The following IL7R variants were observed in gnomAD, a reference collection of about 807,000 sequenced individuals.
The protein encoded by IL7R is interleukin 7 receptor.
A neutral mutation model predicts 47.0 loss-of-function variants in IL7R; 38 were observed. The ratio of observed to expected loss-of-function variants is 0.81; its 90% confidence interval spans 0.62 to 1.06. IL7R has a LOEUF of 1.06. Ranked by LOEUF, IL7R falls within the 50% of genes least tolerant of loss-of-function variation. IL7R has a pLI of 0.00. For missense variants in IL7R, 633 were observed against 534.8 expected, an observed-to-expected ratio of 1.18 and a Z score of -1.81; for synonymous variants, 221 against 199.8, an observed-to-expected ratio of 1.11 and a Z score of -0.89.
rs547289761 is a variant in IL7R, at chr5:35,875,248, G to A, written c.801-264G>A. 5.3e-5 allele frequency among the ~76,000 whole-genome samples: 8 copies of A among 152,276 alleles called. No individual in the cohort carries two copies. The East Asian group carries it at 1.5e-3, about 29-fold the overall frequency. Reference sequence around the variant, plus strand: ...AGCCTTGGTGTTCCTTCCCTCTAGGGCTTTTTCCCAGAGGTATATTATTGT... The same window carrying A: ...AGCCTTGGTGTTCCTTCCCTCTAGGACTTTTTCCCAGAGGTATATTATTGT... On this transcript the variant is annotated intron_variant, in intron 6 of 7. Transcript: ENST00000303115.
chr5:35,871,012 C>T (rs750711583), intron 3 of IL7R, 44 bp from the exon 4 acceptor site: 1 of 1,569,554 alleles, frequency 6.4e-7, no homozygotes, highest in Admixed American at 1.7e-5. Flanking sequence ...TAATTATTTC[C>T]TTGGCTGCCC....
intron 4 of IL7R, among the ~76,000 whole-genome samples, chr5:35,871,747 C>T (rs545526545): frequency 6.6e-6 from 1 of 152,120 alleles, no homozygotes; most frequent in Non-Finnish European, 1.5e-5. Context: ...CTTAGATGCT[C>T]TCTTCATGAT....
intron 3 of IL7R, among the ~76,000 whole-genome samples, chr5:35,867,852 G>A (rs1431879836): frequency 1.3e-5 from 2 of 151,914 alleles, no homozygotes; most frequent in Non-Finnish European, 2.9e-5. Context: ...AGTAAGTTTA[G>A]CTAACTTATC....
chr5:35,860,807 G>C lies in IL7R; in HGVS notation c.83-45G>C, dbSNP rs201337361. On this transcript the variant is annotated intron_variant, in intron 1 of 7. Coordinates refer to ENST00000303115, the MANE Select transcript of IL7R (RefSeq NM_002185.5). ...AGGTCATGCCATATTTCAAAAGGAT[G>C]CATTTATTTGTTTCATTAACAGCTG... The C allele has an allele frequency of 3.8e-6, 6 of 1,594,824 alleles. No homozygotes were observed. In the African/African-American group the frequency reaches 6.7e-5, roughly 18 times the overall value.
Position 35,876,725 on chromosome 5 carries a change from C to T in IL7R, c.*239C>T, listed in dbSNP as rs1345363309. 2 of 513,598 alleles carry T rather than the reference C, an allele frequency of 3.9e-6. No individual in the cohort carries two copies. Among genetic ancestry groups the T allele is most frequent in the African/African-American group, 3.9e-5 (2 of 51,830 alleles). 31.8% of individuals were successfully genotyped at this position (513,598 alleles called of 1,614,324 possible). On this transcript the variant is annotated 3_prime_UTR_variant, in exon 8 of 8. Transcript: ENST00000303115. The stretch of plus-strand genomic sequence containing the variant: ...ATTTGGTCACAAGGTTTAAGGTGAC[C>T]CAATGATTCAGCTATTTAAAAAAAA...
intron 4 of IL7R, among the ~76,000 whole-genome samples, chr5:35,872,603 A>G (rs1392439787): frequency 1.3e-5 from 2 of 152,256 alleles, no homozygotes; most frequent in South Asian, 4.1e-4. Flanking sequence ...GTGAAACTCT[A>G]AACAAATTAG....
rs11567731 is a variant in IL7R, at chr5:35,866,431, G to A, written c.222-875G>A. ...AGCTTCAAAAAATAGGTTGAGAAGG[G>A]TCATTCCTCTTCCAGTTTCTAAAAT... is the stretch of plus-strand genomic sequence containing the variant. On this transcript the variant is annotated intron_variant, in intron 2 of 7. Coordinates refer to ENST00000303115, the MANE Select transcript of IL7R (RefSeq NM_002185.5). 9.1e-4 allele frequency among the ~76,000 whole-genome samples: 138 copies of A among 152,184 alleles called. 1 individual carries two copies. Among genetic ancestry groups the A allele is most frequent in the Admixed American group, 1.1e-3 (17 of 15,280 alleles).
rs193922641 is a variant in IL7R, at chr5:35,867,437, G to A, written c.353G>A (p.Cys118Tyr). ...CVKVGEKSLT[C>Y]KKIDLTTIVK... Reference sequence around the variant, plus strand: ...AAGGTTGGAGAAAAGAGTCTAACCTGCAAAAAAATAGACCTAACCACTATA... The same window carrying A: ...AAGGTTGGAGAAAAGAGTCTAACCTACAAAAAAATAGACCTAACCACTATA... The change falls in exon 3 of 8, where the codon TGC (cysteine) becomes TAC (tyrosine). Residue 118 changes from cysteine to tyrosine, a missense_variant. Transcript: ENST00000303115. 21 of 1,612,720 alleles carry A rather than the reference G, an allele frequency of 1.3e-5. No individual in the cohort carries two copies. The highest frequency in any genetic ancestry group is 1.0e-4 in the Admixed American group (6 of 59,904).
At chr5:35,859,667 A>C (rs1250118364) in intron 1 of IL7R, among the ~76,000 whole-genome samples, 5 of 152,196 alleles carry the variant, frequency 3.3e-5, no homozygotes, top group Non-Finnish European at 5.9e-5. Flanking sequence ...GTCCATTCAC[A>C]GTCAGCTTTA....
chr5:35,867,458 C>G lies in IL7R; in HGVS notation c.374C>G (p.Thr125Ser), dbSNP rs971681884. The G allele has an allele frequency of 1.9e-6, 3 of 1,611,786 alleles. No individual in the cohort carries two copies. In the Admixed American group the frequency reaches 5.0e-5, roughly 27 times the overall value. Residue 125 changes from threonine to serine, a missense_variant, in exon 3 of 8, where the codon ACT (threonine) becomes AGT (serine). Coordinates refer to ENST00000303115, the MANE Select transcript of IL7R (RefSeq NM_002185.5). ...SLTCKKIDLT[T>S]IVKPEAPFDL... ...ACCTGCAAAAAAATAGACCTAACCA[C>G]TATAGGTAAGAAGTTGTATATAAAA...
chr5:35,876,209 C>T lies in IL7R; in HGVS notation c.1103C>T (p.Thr368Ile), dbSNP rs1319470323. The change falls in exon 8 of 8, where the codon ACA becomes ATA. Residue 368 changes from threonine to isoleucine, a missense_variant. Coordinates refer to ENST00000303115, the MANE Select transcript of IL7R (RefSeq NM_002185.5). ...PESFGRDSSL[T>I]CLAGNVSACD... ...AGCTTTGGAAGAGATTCATCCCTCA[C>T]ATGCCTGGCTGGGAATGTCAGTGCA... 4 of 1,614,196 alleles carry T rather than the reference C, an allele frequency of 2.5e-6. No individual in the cohort carries two copies. The highest frequency in any genetic ancestry group is 1.6e-4 in the Middle Eastern group (1 of 6,062).
intron 4 of IL7R, among the ~76,000 whole-genome samples, chr5:35,871,725 T>G (rs140392439): frequency 6.6e-6 from 1 of 152,314 alleles, no homozygotes; most frequent in African/African-American, 2.4e-5. Context: ...CCCTTCATAA[T>G]CAGGAGAGTT....
chr5:35,874,413 A>G (rs766349661), intron 5 of IL7R, 36 bp from the exon 6 acceptor site: 1 of 1,396,948 alleles, frequency 7.2e-7, no homozygotes, highest in South Asian at 1.2e-5. Flanking sequence ...CTGCATGGCT[A>G]CTGAATGCTC....
chr5:35,867,273 G>C, intron 2 of IL7R, 33 bp from the exon 3 acceptor site: 6 of 1,605,072 alleles, frequency 3.7e-6, no homozygotes, highest in Non-Finnish European at 4.3e-6. Context: ...ACTCCTACCT[G>C]AATCAAGACA....
intron 1 of IL7R, among the ~76,000 whole-genome samples, chr5:35,857,288 A>T (rs1759676331): frequency 6.6e-6 from 1 of 151,978 alleles, no homozygotes. Context: ...AATGCATTTC[A>T]CTCCCAAGTG....
intron 2 of IL7R, among the ~76,000 whole-genome samples, chr5:35,862,403 A>G (rs1266409208): frequency 1.3e-5 from 2 of 152,042 alleles, no homozygotes; most frequent in African/African-American, 4.8e-5. Flanking sequence ...ATATTTGACC[A>G]CTTCCTTGCC....
At chr5:35,875,803 G>A in intron 7 of IL7R, 180 bp from the exon 8 acceptor site, 1 of 786,308 alleles carries the variant, frequency 1.3e-6, no homozygotes, top group East Asian at 2.6e-5. Flanking sequence ...CACAGCCAGT[G>A]GTCACTTCAA....
Position 35,877,176 on chromosome 5 carries a change from T to A in IL7R, c.*690T>A, listed in dbSNP as rs1760240585. 4.3e-6 allele frequency: 1 copy of A among 233,242 alleles called. No individual in the cohort carries two copies. The highest frequency in any genetic ancestry group is 1.8e-4 in the South Asian group (1 of 5,530). 14.4% of individuals were successfully genotyped at this position (233,242 alleles called of 1,614,324 possible). On this transcript the variant is annotated 3_prime_UTR_variant, in exon 8 of 8. Coordinates refer to ENST00000303115, the MANE Select transcript of IL7R (RefSeq NM_002185.5). ...TGCCTAGATAATTTATGATCCAAACTGAGTCAGTTTGGAAAGTGAAAGGGA... is the reference window on the plus strand; with the variant it reads ...TGCCTAGATAATTTATGATCCAAACAGAGTCAGTTTGGAAAGTGAAAGGGA...
intron 4 of IL7R, among the ~76,000 whole-genome samples, chr5:35,871,453 G>A (rs572411079): frequency 6.6e-6 from 1 of 152,268 alleles, no homozygotes; most frequent in Non-Finnish European, 1.5e-5. Flanking sequence ...CTACATTAGT[G>A]AGTTGGATAA....
Sources: allele counts gnomAD v4.1 joint callset (sites outside exome capture counted in the v4.1 genomes callset), GRCh38; gene constraint gnomAD v4.1.1; transcripts MANE v1.5; gene names NCBI Gene and HGNC (gene_info 2026-07-23, HGNC 2026-07-21).